RIMS1: variants seen among roughly 807,000 people sequenced by gnomAD.
RIMS1 encodes the protein regulating synaptic membrane exocytosis 1.
Under a neutral mutation model 214.1 loss-of-function variants are expected in RIMS1, and 83 were observed. The observed-to-expected ratio is 0.39, with a 90% CI of 0.32 to 0.47. The LOEUF (loss-of-function observed/expected upper bound fraction) is 0.47. Ranked by LOEUF, RIMS1 falls within the 20% of genes least tolerant of loss-of-function variation. The pLI is 0.99. For missense variants in RIMS1, 2,050 were observed against 2,161.8 expected, an observed-to-expected ratio of 0.95 and a Z score of 1.03; for synonymous variants, 793 against 786.8, an observed-to-expected ratio of 1.01 and a Z score of -0.13.
chr6:72,066,507 C>G (rs1468473956), intron 2 of RIMS1, among the ~76,000 whole-genome samples: 2 of 152,178 alleles, frequency 1.3e-5, no homozygotes, highest in Non-Finnish European at 2.9e-5. Flanking sequence ...ATTAGTCCAC[C>G]TATTTATAAA....
At chr6:72,075,606 T>C (rs1831620911) in intron 2 of RIMS1, among the ~76,000 whole-genome samples, 2 of 152,226 alleles carry the variant, frequency 1.3e-5, no homozygotes, top group Non-Finnish European at 2.9e-5. Flanking sequence ...GCATCCATGC[T>C]TAATGAAGTT....
At chr6:71,971,821 A>G (rs543609000) in intron 2 of RIMS1, among the ~76,000 whole-genome samples, 3 of 152,248 alleles carry the variant, frequency 2.0e-5, no homozygotes, top group Admixed American at 1.3e-4. Context: ...TCATGATTCA[A>G]TTACCTCCCA....
At chr6:72,129,603 G>A (rs2040130900) in intron 4 of RIMS1, among the ~76,000 whole-genome samples, 1 of 152,028 alleles carries the variant, frequency 6.6e-6, no homozygotes, top group African/African-American at 2.4e-5. Flanking sequence ...ATGTTTTCTT[G>A]CATATGATTT....
chr6:71,939,768 C>A (rs12209916), intron 1 of RIMS1, among the ~76,000 whole-genome samples: 28,912 of 152,052 alleles, frequency 0.19, 3,491 homozygotes, highest in East Asian at 0.36. Context: ...AAAGTTTCCA[C>A]CTCTTAATAC....
In RIMS1 at chr6:72,265,051, A is replaced by G; in HGVS notation, c.3193A>G (p.Ser1065Gly). ...GAGCAGTTCTCACTGGAATATTTAC[A>G]GGTAAGAGCCCTAACAGTGAGTCCC... ...LQSSSHWNIY[S>G]SILPAHTKTK... Residue 1065 changes from serine (S) to glycine (G), a missense_variant and splice_region_variant, in exon 20 of 34, where the codon AGC (serine) becomes GGC (glycine). Physicochemically the swap from Ser to Gly is moderately conservative, Grantham distance 56 (BLOSUM62 0). This residue lies in a region of RIMS1 where 889 missense variants were observed against 885.5 expected (regional missense o/e 1.00). Coordinates refer to ENST00000521978, the MANE Select transcript of RIMS1 (RefSeq NM_014989.7). The G allele has an allele frequency of 6.4e-7, 1 of 1,571,542 alleles. No individual in the cohort carries two copies. Among genetic ancestry groups the G allele is most frequent in the South Asian group, 1.2e-5 (1 of 86,848 alleles).
chr6:72,215,132 C>T (rs1006492087), intron 6 of RIMS1, among the ~76,000 whole-genome samples: 4 of 152,184 alleles, frequency 2.6e-5, no homozygotes, highest in African/African-American at 9.7e-5. Context: ...TCTATTGGTT[C>T]TCTTCTGTAT....
At chr6:72,062,828 G>A (rs568235128) in intron 2 of RIMS1, among the ~76,000 whole-genome samples, 2 of 152,074 alleles carry the variant, frequency 1.3e-5, no homozygotes, top group Admixed American at 1.3e-4. Flanking sequence ...GTTTGTAGAG[G>A]CATCACTACA....
At position 72,290,860 on chromosome 6, in the gene RIMS1, A is replaced by G. The variant is rs148880476; in HGVS notation, c.3736A>G (p.Arg1246Gly). The change falls in exon 25 of 34, where the codon AGA becomes GGA. Residue 1246 changes from arginine to glycine, a missense_variant and splice_region_variant. Arg to Gly is a moderately radical substitution (Grantham distance 125, BLOSUM62 -2). Around this residue, in one of 6 missense-constraint regions of RIMS1, gnomAD observed 889 missense variants for 885.5 expected, o/e 1.00. Transcript: ENST00000521978. ...GGCGCCACCTTCTCCGCTTCTGACA[A>G]GGTCGCTATTCAGTGTCCCCCTCAG... ...GSAPPSPLLT[R>G]MHRQRSPTQS... 1.1e-5 allele frequency: 17 copies of G among 1,611,858 alleles called. No homozygotes were observed. Among genetic ancestry groups the G allele is most frequent in the Admixed American group, 3.3e-5 (2 of 59,992 alleles).
rs950288051 is a variant in RIMS1 at position 72,157,449 on chromosome 6, CTA to C, written c.472-22124_472-22123del. On this transcript the variant is annotated intron_variant, in intron 4 of 33. Coordinates refer to ENST00000521978, the MANE Select transcript of RIMS1 (RefSeq NM_014989.7). ...TTATTTAAGTTTATATAGGTTGAGA[CTA>C]TGTTGTTACTGCATATGAAATCAGA... Among the ~76,000 whole-genome samples, 8 of 139,882 alleles carry C rather than the reference CTA, an allele frequency of 5.7e-5. 1 individual carries two copies. Among genetic ancestry groups the C allele is most frequent in the African/African-American group, 2.0e-4 (8 of 40,552 alleles). 91.8% of individuals were successfully genotyped at this position (139,882 alleles called of 152,430 possible). A position where few individuals can be genotyped will look rare whatever the true frequency, so the allele number is the denominator to read the frequency against.
At chr6:71,935,329 G>C (rs1784128051) in intron 1 of RIMS1, among the ~76,000 whole-genome samples, 1 of 152,068 alleles carries the variant, frequency 6.6e-6, no homozygotes, top group African/African-American at 2.4e-5. Flanking sequence ...AGCAAGACAA[G>C]ATAATTTATG....
intron 2 of RIMS1, among the ~76,000 whole-genome samples, chr6:72,050,302 G>T (rs768940367): frequency 1.3e-5 from 2 of 152,048 alleles, no homozygotes; most frequent in African/African-American, 4.8e-5. Flanking sequence ...AGTGAAAACT[G>T]CCTCCTGAGG....
chr6:72,342,816 T>C (rs775441260), intron 29 of RIMS1, among the ~76,000 whole-genome samples: 1 of 151,826 alleles, frequency 6.6e-6, no homozygotes, highest in Non-Finnish European at 1.5e-5. Flanking sequence ...AGTTTATTCT[T>C]GGAGACAGAG....
intron 29 of RIMS1, among the ~76,000 whole-genome samples, chr6:72,344,651 G>A (rs1009296292): frequency 4.0e-5 from 6 of 151,668 alleles, no homozygotes; most frequent in Admixed American, 3.3e-4. Flanking sequence ...TCTCAAGTTG[G>A]CGAAACCATC....
intron 2 of RIMS1, among the ~76,000 whole-genome samples, chr6:72,078,155 T>C (rs1344506888): frequency 6.6e-6 from 1 of 152,158 alleles, no homozygotes; most frequent in African/African-American, 2.4e-5. Flanking sequence ...AATCTGATCA[T>C]TTGGTGATGT....
At chr6:72,344,657 C>T (rs1435072006) in intron 29 of RIMS1, among the ~76,000 whole-genome samples, 1 of 151,684 alleles carries the variant, frequency 6.6e-6, no homozygotes, top group Non-Finnish European at 1.5e-5. Context: ...GTTGGCGAAA[C>T]CATCAAATGA....
At chr6:72,141,033 G>GT (rs928551563) in intron 4 of RIMS1, among the ~76,000 whole-genome samples, 2 of 151,928 alleles carry the variant, frequency 1.3e-5, no homozygotes, top group African/African-American at 2.4e-5. Context: ...TGAGTAGTAG[G>GT]TTATACATAT....
intron 29 of RIMS1, chr6:72,366,968 T>C (rs2098052658): frequency 2.2e-6 from 1 of 453,390 alleles, no homozygotes; most frequent in South Asian, 9.6e-5. Flanking sequence ...TCTATATTTG[T>C]CTGAAGCTTT....
At chr6:72,092,474 A>G (rs1836560314) in intron 2 of RIMS1, among the ~76,000 whole-genome samples, 1 of 152,194 alleles carries the variant, frequency 6.6e-6, no homozygotes, top group South Asian at 2.1e-4. Flanking sequence ...TTTGAAGATT[A>G]AGAGAGTTAT....
intron 29 of RIMS1, among the ~76,000 whole-genome samples, chr6:72,372,714 T>C (rs2098256885): frequency 6.6e-6 from 1 of 152,226 alleles, no homozygotes; most frequent in African/African-American, 2.4e-5. Context: ...CTAAAAGTGG[T>C]TTCTCTGGAC....
Sources: allele counts gnomAD v4.1 joint callset (sites outside exome capture counted in the v4.1 genomes callset), GRCh38; gene constraint gnomAD v4.1.1; regional missense constraint gnomAD v4.1.1; transcripts MANE v1.5; gene names NCBI Gene and HGNC (gene_info 2026-07-23, HGNC 2026-07-21).